The following EXOC4 variants were observed in gnomAD, a reference collection of about 807,000 sequenced individuals.
The protein encoded by EXOC4 is exocyst complex component 4.
Under a neutral mutation model 107.2 loss-of-function variants are expected in EXOC4, and 71 were observed. The observed-to-expected ratio is 0.66, with a 90% CI of 0.55 to 0.81. EXOC4 has a LOEUF of 0.81. Ranked by LOEUF, EXOC4 falls within the 30% of genes least tolerant of loss-of-function variation. EXOC4 has a pLI of 0.00. For missense variants in EXOC4, 1,108 were observed against 1,189.6 expected (o/e 0.93, Z 1.01); for synonymous variants, 456 against 441.2 (o/e 1.03, Z -0.42).
At chr7:133,480,204 GT>G (rs1799121276) in intron 9 of EXOC4, 66 bp downstream of exon 9, 1 of 1,581,446 alleles carries the variant, frequency 6.3e-7, no homozygotes, top group African/African-American at 1.3e-5. Flanking sequence ...TTACACATGA[GT>G]TTGTGTCCTG....
intron 11 of EXOC4, among the ~76,000 whole-genome samples, chr7:133,884,620 T>TGTGTGTGCGC (rs942323507): frequency 7.0e-6 from 1 of 142,416 alleles, no homozygotes; most frequent in South Asian, 2.2e-4. Flanking sequence ...TGTGTGTGTG[T>TGTGTGTGCGC]GCGCGCGTGT....
chr7:133,262,020 C>T (rs942060321), intron 1 of EXOC4, among the ~76,000 whole-genome samples: 6 of 152,152 alleles, frequency 3.9e-5, no homozygotes, highest in Admixed American at 2.0e-4. Context: ...AGATTCTAAC[C>T]ACCTTAATAT....
chr7:133,458,457 A>T (rs1404870681), intron 7 of EXOC4, among the ~76,000 whole-genome samples: 7 of 152,312 alleles, frequency 4.6e-5, no homozygotes. Flanking sequence ...CACTCCAGGG[A>T]CACAGGTGCA....
chr7:133,598,792 G>T (rs908323378), intron 9 of EXOC4, among the ~76,000 whole-genome samples: 1 of 152,088 alleles, frequency 6.6e-6, no homozygotes, highest in Non-Finnish European at 1.5e-5. Context: ...GACCAGCCTG[G>T]CCAACATGGT....
intron 16 of EXOC4, 143 bp downstream of exon 16, chr7:134,005,233 G>A: frequency 2.6e-6 from 2 of 773,076 alleles, no homozygotes; most frequent in Non-Finnish European, 4.1e-6. Flanking sequence ...GCAATACCTA[G>A]CCTCTTTGTG....
At chr7:133,521,903 G>A (rs1799987471) in intron 9 of EXOC4, among the ~76,000 whole-genome samples, 2 of 152,102 alleles carry the variant, frequency 1.3e-5, no homozygotes, top group African/African-American at 4.8e-5. Context: ...ACAGGTGTGA[G>A]CCACCATGCC....
chr7:133,706,202 A>G (rs1320553855), intron 10 of EXOC4, among the ~76,000 whole-genome samples: 5 of 152,244 alleles, frequency 3.3e-5, no homozygotes, highest in African/African-American at 7.2e-5. Context: ...GTGTGTGTGA[A>G]AAATTGTGTA....
chr7:133,410,899 T>G (rs1797341120), intron 7 of EXOC4, among the ~76,000 whole-genome samples: 1 of 152,174 alleles, frequency 6.6e-6, no homozygotes, highest in Non-Finnish European at 1.5e-5. Flanking sequence ...ATATTCTATT[T>G]GAATAATACA....
intron 9 of EXOC4, among the ~76,000 whole-genome samples, chr7:133,598,173 C>A (rs1029755133): frequency 2.6e-5 from 4 of 152,146 alleles, no homozygotes; most frequent in African/African-American, 7.2e-5. Context: ...AAAAGCCTTA[C>A]CTAACTACAA....
intron 10 of EXOC4, among the ~76,000 whole-genome samples, chr7:133,679,943 G>T (rs1177323759): frequency 6.6e-6 from 1 of 152,146 alleles, no homozygotes; most frequent in African/African-American, 2.4e-5. Flanking sequence ...AATAGTGGGG[G>T]CTTTGTTGTT....
chr7:133,579,564 A>G (rs1443095054), intron 9 of EXOC4, among the ~76,000 whole-genome samples: 1 of 152,228 alleles, frequency 6.6e-6, no homozygotes, highest in Non-Finnish European at 1.5e-5. Context: ...TAGTTCAACC[A>G]TCACCACCAT....
chr7:133,272,930 T>C (rs151004100), intron 1 of EXOC4, among the ~76,000 whole-genome samples: 3 of 152,326 alleles, frequency 2.0e-5, no homozygotes, highest in Non-Finnish European at 4.4e-5. Context: ...TTCTAACTAG[T>C]TAAGGTAAAC....
At chr7:133,393,387 A>G (rs191242776) in intron 7 of EXOC4, among the ~76,000 whole-genome samples, 1 of 152,292 alleles carries the variant, frequency 6.6e-6, no homozygotes, top group African/African-American at 2.4e-5. Context: ...CTCTTCCCCT[A>G]AACTCACAGA....
chr7:134,034,162 T>C (rs1454328070), intron 17 of EXOC4, among the ~76,000 whole-genome samples: 1 of 152,074 alleles, frequency 6.6e-6, no homozygotes, highest in East Asian at 1.9e-4. Flanking sequence ...GATAATGAGA[T>C]ACAGCTGTTC....
chr7:133,900,531 C>T (rs1050045855), intron 12 of EXOC4, among the ~76,000 whole-genome samples: 2 of 152,108 alleles, frequency 1.3e-5, no homozygotes, highest in East Asian at 1.9e-4. Flanking sequence ...AATTAGGTAG[C>T]GAGGAGCCAC....
At chr7:133,480,189 C>T in intron 9 of EXOC4, 51 bp downstream of exon 9, 1 of 1,597,780 alleles carries the variant, frequency 6.3e-7, no homozygotes, top group East Asian at 2.2e-5. Context: ...GGAGTATTTC[C>T]TTTATTACAC....
chr7:133,357,190 C>T (rs17167039), intron 6 of EXOC4, among the ~76,000 whole-genome samples: 45,948 of 152,028 alleles, frequency 0.3, 7,883 homozygotes, highest in African/African-American at 0.47. Flanking sequence ...AGCTATTGTA[C>T]ACATACTAAG....
the EXOC4 span, among the ~76,000 whole-genome samples, chr7:134,091,904 G>T: frequency 7.2e-5 from 11 of 152,120 alleles, no homozygotes; most frequent in Non-Finnish European, 1.5e-4. Context: ...GTACTTTATA[G>T]AGGAATATTT....
chr7:133,889,438 A>G (rs909892722), intron 11 of EXOC4, among the ~76,000 whole-genome samples: 7 of 148,652 alleles, frequency 4.7e-5, no homozygotes, highest in African/African-American at 1.5e-4. Flanking sequence ...TTTTTTAATT[A>G]TACTTTAAGT....
Sources: allele counts gnomAD v4.1 joint callset (sites outside exome capture counted in the v4.1 genomes callset), GRCh38; gene constraint gnomAD v4.1.1; transcripts MANE v1.5; gene names NCBI Gene and HGNC (gene_info 2026-07-23, HGNC 2026-07-21).